TMEM131: variants seen among roughly 807,000 people sequenced by gnomAD.
TMEM131 encodes transmembrane protein 131.
TMEM131 carries 66 observed loss-of-function variants against 211.6 expected under a neutral mutation model. The observed-to-expected ratio is 0.31, with a 90% CI of 0.26 to 0.38. The LOEUF (loss-of-function observed/expected upper bound fraction) is 0.38, where lower values mean the gene tolerates loss of function less well. Among genes scored for constraint, TMEM131 ranks in the 10% least tolerant of loss-of-function variants. The pLI is 1.00. For missense variants in TMEM131, 2,036 were observed against 2,299.3 expected, an observed-to-expected ratio of 0.89 and a Z score of 2.34; for synonymous variants, 844 against 841.3, an observed-to-expected ratio of 1.00 and a Z score of -0.06.
intron 5 of TMEM131, among the ~76,000 whole-genome samples, chr2:97,846,315 C>A (rs1043551765): frequency 6.6e-6 from 1 of 152,064 alleles, no homozygotes; most frequent in African/African-American, 2.4e-5. Context: ...CAAACTGAAT[C>A]GAGGCAAGAT....
Position 97,834,940 on chromosome 2 carries a change from G to A in TMEM131, c.805-15C>T, listed in dbSNP as rs1225031166. ...GGAGGAATTTCCTGACAAGTTAACAGACCATAATGTAGCACAGCTTTTGTA... is the reference window on the plus strand; with the variant it reads ...GGAGGAATTTCCTGACAAGTTAACAAACCATAATGTAGCACAGCTTTTGTA... On this transcript the variant is annotated splice_polypyrimidine_tract_variant and intron_variant, in intron 8 of 40. Coordinates refer to ENST00000186436, the MANE Select transcript of TMEM131 (RefSeq NM_015348.2). 3 of 1,613,132 alleles carry A rather than the reference G, an allele frequency of 1.9e-6. No individual in the cohort carries two copies. In the African/African-American group the frequency reaches 4.0e-5, roughly 22 times the overall value.
intron 1 of TMEM131, among the ~76,000 whole-genome samples, chr2:97,982,837 T>A (rs1165509513): frequency 2.6e-5 from 4 of 152,194 alleles, no homozygotes; most frequent in Non-Finnish European, 4.4e-5. Flanking sequence ...TCAGAGGCCA[T>A]GAACCAAGGA....
chr2:97,979,170 G>A (rs1241719055), intron 1 of TMEM131, among the ~76,000 whole-genome samples: 1 of 152,196 alleles, frequency 6.6e-6, no homozygotes, highest in Non-Finnish European at 1.5e-5. Context: ...ATAAACAGAT[G>A]TGCTGTCATT....
chr2:97,959,835 T>C (rs572901909), intron 1 of TMEM131, among the ~76,000 whole-genome samples: 4 of 152,316 alleles, frequency 2.6e-5, no homozygotes, highest in African/African-American at 7.2e-5. Context: ...TACAGCATTA[T>C]ATTTGGTTGT....
At chr2:97,786,050 A>C (rs1680234318) in intron 31 of TMEM131, among the ~76,000 whole-genome samples, 1 of 152,166 alleles carries the variant, frequency 6.6e-6, no homozygotes, top group Admixed American at 6.5e-5. Flanking sequence ...GTGTGGCTAG[A>C]AAAGGGCCCA....
In TMEM131 at chr2:97,829,897, G is replaced by A. The variant is rs1324350969; in HGVS notation, c.1074+3468C>T. On this transcript the variant is annotated intron_variant, in intron 11 of 40. Transcript: ENST00000186436. ...GTGTTATCAGCCTGTACAACACCAA[G>A]CCAGAAATAGCAAAGCAAGGATGTT... 3.3e-5 allele frequency among the ~76,000 whole-genome samples: 5 copies of A among 152,118 alleles called. No homozygotes were observed. In the South Asian group the frequency reaches 1.0e-3, roughly 32 times the overall value.
At chr2:97,852,074 T>C (rs140432221) in intron 5 of TMEM131, among the ~76,000 whole-genome samples, 116 of 151,886 alleles carry the variant, frequency 7.6e-4, no homozygotes, top group African/African-American at 2.6e-3. Context: ...TGAACACACA[T>C]GTGGTAAAGA....
chr2:97,936,894 A>G (rs1050926890), intron 1 of TMEM131, among the ~76,000 whole-genome samples: 1 of 152,210 alleles, frequency 6.6e-6, no homozygotes, highest in Non-Finnish European at 1.5e-5. Flanking sequence ...CAAAGAACTA[A>G]AGGAAATAAT....
In TMEM131 at chr2:97,897,130, T is replaced by C. The variant is rs183821094; in HGVS notation, c.291-9010A>G. On this transcript the variant is annotated intron_variant, in intron 3 of 40. Transcript: ENST00000186436. Reference sequence around the variant, plus strand: ...TACAACATTTTATTTTTGTATTTGTTATGAAGAAATCAGTTACTTCTGATT... The same window carrying C: ...TACAACATTTTATTTTTGTATTTGTCATGAAGAAATCAGTTACTTCTGATT... Among the ~76,000 whole-genome samples, 15 of 152,294 alleles carry C rather than the reference T, an allele frequency of 9.8e-5. No individual in the cohort carries two copies. The East Asian group carries it at 2.9e-3, about 29-fold the overall frequency.
intron 1 of TMEM131, among the ~76,000 whole-genome samples, chr2:97,989,286 A>C (rs1680161265): frequency 6.6e-6 from 1 of 152,088 alleles, no homozygotes; most frequent in Admixed American, 6.5e-5. Context: ...ACAAAAAAAA[A>C]AAAAAGGAAG....
rs1680823495 is a variant in TMEM131 at position 97,797,483 on chromosome 2, C to G, written c.2752G>C (p.Glu918Gln). 6.2e-7 allele frequency: 1 copy of G among 1,613,416 alleles called. No individual in the cohort carries two copies. The highest frequency in any genetic ancestry group is 8.5e-7 in the Non-Finnish European group (1 of 1,179,646). ...AAAATTAAATGTCGAGAGAGGCCCT[C>G]CATAAATCCTGTTGAACTCTGCAGT... is the stretch of plus-strand genomic sequence containing the variant. The part of the protein sequence containing the change: ...HPLQSSTGFM[E>Q]GLSRHLILNL... The change falls in exon 26 of 41, where the codon GAG (glutamate) becomes CAG (glutamine). Residue 918 changes from glutamate to glutamine, a missense_variant. Glu to Gln is a conservative substitution (Grantham distance 29). This residue lies in a region of TMEM131 where 1,623 missense variants were observed against 1,805.9 expected (regional missense o/e 0.90). Coordinates refer to ENST00000186436, the MANE Select transcript of TMEM131 (RefSeq NM_015348.2).
chr2:97,772,041 C>T (rs767670869), intron 33 of TMEM131, among the ~76,000 whole-genome samples: 24 of 152,204 alleles, frequency 1.6e-4, no homozygotes, highest in Non-Finnish European at 2.6e-4. Context: ...AAATTTTCCT[C>T]CTAAATTTTT....
intron 25 of TMEM131, among the ~76,000 whole-genome samples, chr2:97,800,055 T>C (rs1398660723): frequency 6.6e-6 from 1 of 152,226 alleles, no homozygotes; most frequent in Non-Finnish European, 1.5e-5. Context: ...ATTATTATTT[T>C]AAACAAATTA....
intron 1 of TMEM131, among the ~76,000 whole-genome samples, chr2:97,980,497 C>T (rs1408840959): frequency 8.5e-5 from 13 of 152,134 alleles, no homozygotes; most frequent in Admixed American, 7.2e-4. Flanking sequence ...ATGGTACAGC[C>T]GCTTTGGAAA....
At chr2:97,812,198 CT>C (rs1336969946) in intron 17 of TMEM131, among the ~76,000 whole-genome samples, 1 of 152,172 alleles carries the variant, frequency 6.6e-6, no homozygotes, top group Admixed American at 6.5e-5. Flanking sequence ...TGTTATAGAA[CT>C]TTTTATGACA....
At chr2:97,967,894 T>G (rs1465997546) in intron 1 of TMEM131, among the ~76,000 whole-genome samples, 3 of 140,348 alleles carry the variant, frequency 2.1e-5, no homozygotes, top group East Asian at 2.0e-4. Context: ...TTTTAGGTTG[T>G]TTTTTTTTTT....
rs777045874 is a variant in TMEM131, at chr2:97,841,844, T to G, written c.694A>C (p.Ile232Leu). ...VNSSFSPIIN[I>L]HNPHSEPLQV... is the part of the protein sequence containing the mutation. Reference sequence around the variant, plus strand: ...AAAGGCTCACTGTGAGGATTGTGGATGTTTATTATAGGTGAGAAACTGCTA... The same window carrying G: ...AAAGGCTCACTGTGAGGATTGTGGAGGTTTATTATAGGTGAGAAACTGCTA... The change falls in exon 7 of 41, where the codon ATC (isoleucine) becomes CTC (leucine). Residue 232 changes from isoleucine (I) to leucine (L), a missense_variant. Around this residue, in one of 3 missense-constraint regions of TMEM131, gnomAD observed 277 missense variants for 378.0 expected, o/e 0.73. Coordinates refer to ENST00000186436, the MANE Select transcript of TMEM131 (RefSeq NM_015348.2). 5.0e-6 allele frequency: 8 copies of G among 1,597,336 alleles called. No individual in the cohort carries two copies. In the Admixed American group the frequency reaches 1.4e-4, roughly 27 times the overall value.
At chr2:97,927,373 A>G in intron 2 of TMEM131, 53 bp downstream of exon 2, 2 of 1,323,606 alleles carry the variant, frequency 1.5e-6, no homozygotes, top group Non-Finnish European at 2.1e-6. Context: ...AAAAATAATA[A>G]CCAGATATTA....
At chr2:97,853,198 ACTG>A (rs1673696234) in intron 5 of TMEM131, among the ~76,000 whole-genome samples, 1 of 152,178 alleles carries the variant, frequency 6.6e-6, no homozygotes, top group Non-Finnish European at 1.5e-5. Flanking sequence ...GAAGAAATAC[ACTG>A]CTTAAGGCTA....
Sources: gnomAD v4.1 joint callset for allele counts (sites outside exome capture counted in the v4.1 genomes callset) on GRCh38, gnomAD v4.1.1 for gene constraint, gnomAD v4.1.1 regional missense constraint, MANE v1.5 for transcripts, NCBI Gene and HGNC (gene_info 2026-07-23, HGNC 2026-07-21) for gene names.